The following RBMS3 variants were observed in gnomAD, a reference collection of about 807,000 sequenced individuals.
The protein encoded by RBMS3 is RNA-binding motif, single-stranded-interacting protein 3.
RBMS3 carries 27 observed loss-of-function variants against 66.8 expected under a neutral mutation model. The observed-to-expected ratio is 0.40, with a 90% CI of 0.30 to 0.56. The LOEUF is 0.56. RBMS3 is among the 20% of genes least tolerant of loss of function. The pLI is 0.40. For missense variants in RBMS3, 513 were observed against 549.5 expected, an observed-to-expected ratio of 0.93 and a Z score of 0.66; for synonymous variants, 188 against 183.0, an observed-to-expected ratio of 1.03 and a Z score of -0.22.
chr3:29,811,100 T>C (rs1315955166), intron 6 of RBMS3, among the ~76,000 whole-genome samples: 2 of 152,108 alleles, frequency 1.3e-5, no homozygotes, highest in Admixed American at 6.6e-5. Context: ...GGTACTGGTG[T>C]TGGGGTAAAA....
intron 8 of RBMS3, among the ~76,000 whole-genome samples, chr3:29,893,794 G>T (rs1438427528): frequency 6.6e-6 from 1 of 151,406 alleles, no homozygotes; most frequent in Non-Finnish European, 1.5e-5. Context: ...TCTTCTCTGG[G>T]CTCTCATTCC....
At chr3:29,994,949 A>G (rs1332206700) in intron 14 of RBMS3, among the ~76,000 whole-genome samples, 1 of 152,240 alleles carries the variant, frequency 6.6e-6, no homozygotes, top group East Asian at 1.9e-4. Flanking sequence ...CTGAGAGAAG[A>G]AGGCTTCAGA....
intron 6 of RBMS3, among the ~76,000 whole-genome samples, chr3:29,840,144 C>A (rs538726755): frequency 1.3e-5 from 2 of 151,944 alleles, no homozygotes. Flanking sequence ...GGGGCAACAG[C>A]ATATCGGCTG....
chr3:29,608,199 C>T (rs1232310837), intron 4 of RBMS3, among the ~76,000 whole-genome samples: 1 of 151,886 alleles, frequency 6.6e-6, no homozygotes, highest in Non-Finnish European at 1.5e-5. Flanking sequence ...CCATTTGCCT[C>T]TACCAGCCAA....
intron 1 of RBMS3, among the ~76,000 whole-genome samples, chr3:29,326,600 A>T (rs2125503357): frequency 6.6e-6 from 1 of 151,728 alleles, no homozygotes; most frequent in South Asian, 2.1e-4. Context: ...CTACCTTCTG[A>T]GTGATTGGCA....
At chr3:29,763,016 A>G (rs2055764466) in intron 6 of RBMS3, 27 bp downstream of exon 6, 1 of 1,483,448 alleles carries the variant, frequency 6.7e-7, no homozygotes. Context: ...TAAGTGACTG[A>G]ATGATGCCGA....
intron 13 of RBMS3, 95 bp from the exon 14 acceptor site, chr3:29,990,987 C>A: frequency 7.9e-7 from 1 of 1,258,390 alleles, no homozygotes; most frequent in Non-Finnish European, 1.1e-6. Context: ...GGTATCTCTA[C>A]TTAAGCCAAA....
chr3:29,478,529 T>G (rs146080918), intron 2 of RBMS3, among the ~76,000 whole-genome samples: 73 of 152,268 alleles, frequency 4.8e-4, no homozygotes, highest in African/African-American at 1.7e-3. Flanking sequence ...AGTGATTGGG[T>G]TTCAACAGAT....
intron 4 of RBMS3, among the ~76,000 whole-genome samples, chr3:29,654,485 A>G (rs1328190170): frequency 6.7e-6 from 1 of 149,442 alleles, no homozygotes; most frequent in Non-Finnish European, 1.5e-5. Flanking sequence ...GTATCTTTGG[A>G]TATTTCAAGA....
chr3:29,820,269 A>ATTC (rs2058044146), intron 6 of RBMS3, among the ~76,000 whole-genome samples: 1 of 148,048 alleles, frequency 6.8e-6, no homozygotes, highest in South Asian at 2.2e-4. Context: ...GTAAATTTAA[A>ATTC]TACTATGATC....
rs28652868 is a variant in RBMS3 at position 29,370,090 on chromosome 3, A to G, written c.76-64653A>G. Reference sequence around the variant, plus strand: ...ATGATGGACAGCCCGGCCTCATGACAGGTGTTCCAGGAGGTCTTTTTAATT... The same window carrying G: ...ATGATGGACAGCCCGGCCTCATGACGGGTGTTCCAGGAGGTCTTTTTAATT... On this transcript the variant is annotated intron_variant, in intron 1 of 14. Coordinates refer to ENST00000383767, the MANE Select transcript of RBMS3 (RefSeq NM_001003793.3). 1.8e-3 allele frequency among the ~76,000 whole-genome samples: 269 copies of G among 152,324 alleles called. 1 individual carries two copies. The highest frequency in any genetic ancestry group is 5.8e-3 in the African/African-American group (240 of 41,586).
Position 29,591,584 on chromosome 3 carries a change from T to C in RBMS3, c.399+4379T>C, listed in dbSNP as rs75304931. 6.8e-3 allele frequency among the ~76,000 whole-genome samples: 1,039 copies of C among 152,304 alleles called. 29 individuals carry two copies. Among genetic ancestry groups the C allele is most frequent in the Admixed American group, 0.055 (835 of 15,286 alleles). The stretch of plus-strand genomic sequence containing the variant: ...CCAGAGGGATCTTACTTGCCCCTTA[T>C]TCTCTGTGGCCTCATTGAGGCCTCG... On this transcript the variant is annotated intron_variant, in intron 4 of 14. Coordinates refer to ENST00000383767, the MANE Select transcript of RBMS3 (RefSeq NM_001003793.3).
intron 2 of RBMS3, among the ~76,000 whole-genome samples, chr3:29,455,677 G>A (rs773671784): frequency 6.6e-5 from 10 of 152,010 alleles, no homozygotes; most frequent in Non-Finnish European, 1.3e-4. Context: ...CCTGAACAAA[G>A]CTTATCTAAT....
At chr3:29,512,532 A>G (rs576780448) in intron 3 of RBMS3, among the ~76,000 whole-genome samples, 2 of 152,328 alleles carry the variant, frequency 1.3e-5, no homozygotes, top group Non-Finnish European at 2.9e-5. Flanking sequence ...GGATATAAAC[A>G]TAATTCTATT....
At chr3:29,529,619 C>T (rs541290529) in intron 3 of RBMS3, among the ~76,000 whole-genome samples, 2 of 151,838 alleles carry the variant, frequency 1.3e-5, no homozygotes, top group Non-Finnish European at 2.9e-5. Flanking sequence ...ATATAAAATA[C>T]ATTTCAAATT....
chr3:29,591,897 T>A (rs1047931640), intron 4 of RBMS3, among the ~76,000 whole-genome samples: 8 of 152,140 alleles, frequency 5.3e-5, no homozygotes, highest in Non-Finnish European at 1.0e-4. Context: ...CAAAGGTGAT[T>A]CATTTCCAGT....
At chr3:29,931,490 A>G (rs911642658) in intron 10 of RBMS3, among the ~76,000 whole-genome samples, 8 of 152,190 alleles carry the variant, frequency 5.3e-5, no homozygotes, top group African/African-American at 1.7e-4. Context: ...ATAATTTTTT[A>G]AAGTTGGACT....
At chr3:29,682,315 T>TTTTG (rs982248846) in intron 4 of RBMS3, among the ~76,000 whole-genome samples, 16 of 152,074 alleles carry the variant, frequency 1.1e-4, no homozygotes, top group Non-Finnish European at 7.4e-5. Context: ...CCAGGTAATT[T>TTTTG]TTTGTTTGTT....
At chr3:29,618,857 C>G (rs2149148452) in intron 4 of RBMS3, among the ~76,000 whole-genome samples, 1 of 152,182 alleles carries the variant, frequency 6.6e-6, no homozygotes, top group East Asian at 1.9e-4. Flanking sequence ...TTTCCCTATT[C>G]CAACAAGAAC....
Sources: allele counts gnomAD v4.1 joint callset (sites outside exome capture counted in the v4.1 genomes callset), GRCh38; gene constraint gnomAD v4.1.1; transcripts MANE v1.5; gene names NCBI Gene and HGNC (gene_info 2026-07-23, HGNC 2026-07-21).